ZFP64: variants seen among roughly 807,000 people sequenced by gnomAD.
ZFP64 encodes ZFP64 zinc finger protein.
Under a neutral mutation model 51.6 loss-of-function variants are expected in ZFP64, and 14 were observed. The ratio of observed to expected loss-of-function variants is 0.27; its 90% CI spans 0.18 to 0.42. ZFP64 has a LOEUF of 0.42. Among genes scored for constraint, ZFP64 ranks in the 10% least tolerant of loss-of-function variants. The probability of loss-of-function intolerance (pLI) is 1.00; values close to 1 mark genes in which losing one functional copy is unlikely to be tolerated. For missense variants in ZFP64, 754 were observed against 906.8 expected, an observed-to-expected ratio of 0.83 and a Z score of 2.16; for synonymous variants, 375 against 361.4, an observed-to-expected ratio of 1.04 and a Z score of -0.43.
intron 5 of ZFP64, chr20:52,110,597 G>T: frequency 1.3e-6 from 1 of 749,904 alleles, no homozygotes; most frequent in South Asian, 1.7e-5. Flanking sequence ...AGGGCCTAGC[G>T]GGCCTCCACG....
intron 5 of ZFP64, among the ~76,000 whole-genome samples, chr20:52,155,235 T>C (rs1334449260): frequency 6.6e-6 from 1 of 152,216 alleles, no homozygotes; most frequent in African/African-American, 2.4e-5. Context: ...GCAGCAATCA[T>C]TATGAAGAGA....
At chr20:52,166,248 G>A (rs183904045) in intron 2 of ZFP64, among the ~76,000 whole-genome samples, 2 of 151,486 alleles carry the variant, frequency 1.3e-5, no homozygotes, top group Admixed American at 6.6e-5. Flanking sequence ...AAAATAGCAT[G>A]GGGGGGCAGG....
intron 2 of ZFP64, among the ~76,000 whole-genome samples, chr20:52,186,231 G>T (rs1983951600): frequency 1.3e-5 from 2 of 152,120 alleles, no homozygotes; most frequent in African/African-American, 2.4e-5. Context: ...TAAGACAGGG[G>T]TATAACTGTG....
intron 2 of ZFP64, among the ~76,000 whole-genome samples, chr20:52,180,192 A>G (rs1403897273): frequency 6.6e-6 from 1 of 152,236 alleles, no homozygotes; most frequent in Non-Finnish European, 1.5e-5. Flanking sequence ...GACCCAGCTA[A>G]TCATGGCTGC....
At chr20:52,173,725 A>G (rs548503512) in intron 2 of ZFP64, among the ~76,000 whole-genome samples, 6 of 151,036 alleles carry the variant, frequency 4.0e-5, no homozygotes, top group East Asian at 2.0e-4. Context: ...CTTGGCTCAC[A>G]GCAACCTCCG....
intron 5 of ZFP64, among the ~76,000 whole-genome samples, chr20:52,144,960 A>G (rs919813502): frequency 1.3e-5 from 2 of 152,224 alleles, no homozygotes; most frequent in Non-Finnish European, 2.9e-5. Flanking sequence ...ATTACAGAAA[A>G]TAATTGGGAA....
intron 5 of ZFP64, among the ~76,000 whole-genome samples, chr20:52,137,244 A>G (rs1472095879): frequency 6.6e-6 from 1 of 152,170 alleles, no homozygotes; most frequent in Admixed American, 6.5e-5. Flanking sequence ...TCTCTATCTG[A>G]GAAGTTTCAG....
intron 5 of ZFP64, among the ~76,000 whole-genome samples, chr20:52,143,277 T>A (rs1297266156): frequency 7.0e-6 from 1 of 142,516 alleles, no homozygotes; most frequent in African/African-American, 2.5e-5. Context: ...AACATACCTT[T>A]ATATAACCCC....
intron 5 of ZFP64, among the ~76,000 whole-genome samples, chr20:52,158,481 G>A (rs1981506761): frequency 1.3e-5 from 2 of 152,230 alleles, no homozygotes; most frequent in Admixed American, 6.5e-5. Flanking sequence ...TGAGGCGGGT[G>A]GATTGCCTGA....
At chr20:52,101,265 A>T (rs1416900958) in intron 5 of ZFP64, among the ~76,000 whole-genome samples, 1 of 152,156 alleles carries the variant, frequency 6.6e-6, no homozygotes, top group Admixed American at 6.5e-5. Flanking sequence ...AATCACCTAG[A>T]TCATGGGTTC....
intron 5 of ZFP64, among the ~76,000 whole-genome samples, chr20:52,141,419 A>C (rs567953209): frequency 6.6e-6 from 1 of 152,188 alleles, no homozygotes; most frequent in East Asian, 1.9e-4. Flanking sequence ...TGCCATGAAG[A>C]TCATTCATGA....
chr20:52,140,128 C>T (rs1392970281), intron 5 of ZFP64, among the ~76,000 whole-genome samples: 2 of 152,074 alleles, frequency 1.3e-5, no homozygotes. Context: ...CTGACTGCTC[C>T]ACAGAACAGC....
intron 5 of ZFP64, among the ~76,000 whole-genome samples, chr20:52,154,576 T>G (rs1438185830): frequency 5.9e-5 from 9 of 152,162 alleles, no homozygotes; most frequent in Admixed American, 4.6e-4. Flanking sequence ...TACTTCACCA[T>G]GAGCTGCTTA....
At chr20:52,098,669 T>C (rs1474828863) in intron 5 of ZFP64, 4 of 1,566,416 alleles carry the variant, frequency 2.6e-6, no homozygotes, top group Non-Finnish European at 3.5e-6. Flanking sequence ...TTTGGGCTTA[T>C]TTCACCTCCC....
chr20:52,168,065 C>G (rs548387588), intron 2 of ZFP64, among the ~76,000 whole-genome samples: 1 of 152,196 alleles, frequency 6.6e-6, no homozygotes, highest in South Asian at 2.1e-4. Flanking sequence ...TTCCTGACTT[C>G]TTTGGACATT....
chr20:52,180,082 T>A (rs1472032938), intron 2 of ZFP64, among the ~76,000 whole-genome samples: 1 of 152,232 alleles, frequency 6.6e-6, no homozygotes, highest in Non-Finnish European at 1.5e-5. Context: ...AGTGGCCTTG[T>A]CTGATGTTGG....
chr20:52,185,483 TG>T (rs113013770), intron 2 of ZFP64, among the ~76,000 whole-genome samples: 32,134 of 152,012 alleles, frequency 0.21, 3,813 homozygotes, highest in African/African-American at 0.33. Flanking sequence ...ATGAAATCAG[TG>T]TCCTTCCTCA....
intron 7 of ZFP64, among the ~76,000 whole-genome samples, chr20:52,094,777 T>C (rs920958605): frequency 1.1e-4 from 17 of 151,888 alleles, no homozygotes; most frequent in Non-Finnish European, 1.2e-4. Context: ...AAAAGGAAAA[T>C]GCAATACATT....
Position 52,152,184 on chromosome 20 carries a change from G to T in ZFP64, c.2008C>A (p.Pro670Thr). The T allele has an allele frequency of 3.7e-6, 6 of 1,614,148 alleles. No individual in the cohort carries two copies. Among genetic ancestry groups the T allele is most frequent in the Non-Finnish European group, 5.1e-6 (6 of 1,180,036 alleles). ...GAGTCGGCGGGACAGAGCAAAGCTG[G>T]ATGGGCTGCCCCTTGAATGATGGAG... Reference protein sequence around the residue: ...TYSIIQGAAHPALLCPADSIP... With the variant: ...TYSIIQGAAHTALLCPADSIP... Residue 670 changes from proline (P) to threonine (T), a missense_variant, in exon 6 of 6, where the codon CCA (proline) becomes ACA (threonine). Coordinates refer to ENST00000216923, the MANE Select transcript of ZFP64 (RefSeq NM_018197.3).
Sources: gnomAD v4.1 joint callset for allele counts (sites outside exome capture counted in the v4.1 genomes callset) on GRCh38, gnomAD v4.1.1 for gene constraint, MANE v1.5 for transcripts, NCBI Gene and HGNC (gene_info 2026-07-23, HGNC 2026-07-21) for gene names.